ARAF: variants seen among roughly 807,000 people sequenced by gnomAD.
The protein encoded by ARAF is A-Raf proto-oncogene, serine/threonine kinase, also known as serine/threonine-protein kinase A-Raf.
A neutral mutation model predicts 48.0 loss-of-function variants in ARAF; 18 were observed. The ratio of observed to expected loss-of-function variants is 0.37; its 90% CI spans 0.26 to 0.56. The LOEUF is 0.56. Among genes scored for constraint, ARAF ranks in the 20% least tolerant of loss-of-function variants. The pLI is 0.77. For missense variants in ARAF, 389 were observed against 543.1 expected, an observed-to-expected ratio of 0.72 and a Z score of 2.82; for synonymous variants, 207 against 220.1, an observed-to-expected ratio of 0.94 and a Z score of 0.53.
At position 47,569,040 on chromosome X, in the gene ARAF, A is replaced by G. The variant is rs746882354; in HGVS notation, c.1300+7A>G. 6 of 1,194,293 alleles carry G rather than the reference A, an allele frequency of 5.0e-6. No homozygotes were observed. The highest frequency in any genetic ancestry group is 3.0e-5 in the East Asian group (1 of 33,295). ...CGAGATCTCAAGTCTAACAGTATCT[A>G]TCTGTCCCTGGGCTGGGGTTGAGTG... On this transcript the variant is annotated splice_region_variant and intron_variant, in intron 12 of 15. Transcript: ENST00000377045.
chrX:47,566,929 G>A lies in ARAF; in HGVS notation c.727+18G>A, dbSNP rs2147906254. 3 of 1,211,445 alleles carry A rather than the reference G, an allele frequency of 2.5e-6. No homozygotes were observed. The highest frequency in any genetic ancestry group is 3.5e-5 in the African/African-American group (2 of 57,705). ...CACTGATGGTGAGTCCCCTGTGCCT[G>A]CACCCTGACCCCCGCTGCCCCACTT... On this transcript the variant is annotated intron_variant, in intron 8 of 15. Transcript: ENST00000377045.
In ARAF at chrX:47,569,962, G is replaced by T; in HGVS notation, c.1489G>T (p.Val497Phe). 1 of 1,205,645 alleles carries T rather than the reference G, an allele frequency of 8.3e-7. No individual in the cohort carries two copies. Among genetic ancestry groups the T allele is most frequent in the Non-Finnish European group, 1.1e-6 (1 of 892,719 alleles). ...SFQSDVYAYG[V>F]VLYELMTGSL... ...CCAGTCAGACGTCTATGCCTACGGGGTTGTGCTCTACGAGCTTATGACTGG... is the reference window on the plus strand; with the variant it reads ...CCAGTCAGACGTCTATGCCTACGGGTTTGTGCTCTACGAGCTTATGACTGG... The change falls in exon 14 of 16, where the codon GTT becomes TTT. Residue 497 changes from valine to phenylalanine, a missense_variant. By Grantham distance (50) the Val-to-Phe change is conservative. Around this residue, in one of 4 missense-constraint regions of ARAF, gnomAD observed 170 missense variants for 281.4 expected, o/e 0.60. Coordinates refer to ENST00000377045, the MANE Select transcript of ARAF (RefSeq NM_001654.5).
At position 47,563,297 on chromosome X, in the gene ARAF, G is replaced by A; in HGVS notation, c.168G>A (p.Gln56=). 8.3e-7 allele frequency: 1 copy of A among 1,210,768 alleles called. No individual in the cohort carries two copies. Among genetic ancestry groups the A allele is most frequent in the South Asian group, 1.8e-5 (1 of 56,606 alleles). ...CCCTGAAGGTGCGGGGTCTAAATCA[G>A]GACTGCTGTGTGGTCTACCGACTCA... is the stretch of plus-strand genomic sequence containing the variant. ...DKALKVRGLN[Q]DCCVVYRLIK... The change falls in exon 3 of 16, where the codon CAG becomes CAA. Residue 56 remains glutamine (Q), a synonymous_variant. Coordinates refer to ENST00000377045, the MANE Select transcript of ARAF (RefSeq NM_001654.5).
chrX:47,568,711 C>T lies in ARAF; in HGVS notation c.1077-7C>T, dbSNP rs1344423840. 5 of 1,208,949 alleles carry T rather than the reference C, an allele frequency of 4.1e-6. No homozygotes were observed. The South Asian group carries it at 7.1e-5, about 17-fold the overall frequency. ...CCCACCTCTGACACTGCCCTCCCTG[C>T]CTGCAGGAAGACGCGACATGTCAAC... On this transcript the variant is annotated splice_polypyrimidine_tract_variant and splice_region_variant and intron_variant, in intron 10 of 15. Coordinates refer to ENST00000377045, the MANE Select transcript of ARAF (RefSeq NM_001654.5).
chrX:47,561,570 T>C (rs1346234812), intron 1 of ARAF, among the ~76,000 whole-genome samples: 1 of 110,858 alleles, frequency 9.0e-6, no homozygotes, highest in African/African-American at 3.3e-5. Context: ...CCCGCTAAGG[T>C]GTCCAATGAC....
In ARAF at chrX:47,569,349, G is replaced by A. The variant is rs764352985; in HGVS notation, c.1301-190G>A. 35 of 470,972 alleles carry A rather than the reference G, an allele frequency of 7.4e-5. 1 individual carries two copies. The highest frequency in any genetic ancestry group is 5.2e-4 in the Admixed American group (14 of 27,003). 38.8% of individuals were successfully genotyped at this position (470,972 alleles called of 1,213,427 possible). ...GGCTTCCTGTTCAGGAGTCACAGCG[G>A]GGCTGAGTGTGGGGGGCATTAGCAG... On this transcript the variant is annotated intron_variant, in intron 12 of 15. Coordinates refer to ENST00000377045, the MANE Select transcript of ARAF (RefSeq NM_001654.5).
chrX:47,570,199 T>G, intron 14 of ARAF, 175 bp downstream of exon 14: 3 of 543,712 alleles, frequency 5.5e-6, no homozygotes, highest in Non-Finnish European at 8.4e-6. Flanking sequence ...ATAAATTCTC[T>G]GGGTCTCCCC....
At chrX:47,568,622 C>A in intron 10 of ARAF, 96 bp from the exon 11 acceptor site, 1 of 929,157 alleles carries the variant, frequency 1.1e-6, no homozygotes, top group Middle Eastern at 2.7e-4. Flanking sequence ...AAATAAATGA[C>A]CGAGGAAGGT....
chrX:47,570,107 G>C, intron 14 of ARAF, 83 bp downstream of exon 14: 1 of 1,065,321 alleles, frequency 9.4e-7, no homozygotes, highest in Non-Finnish European at 1.3e-6. Context: ...CCTTTGCACT[G>C]ATAAATGCCA....
In ARAF at chrX:47,566,767, C is replaced by T; in HGVS notation, c.686C>T (p.Ser229Phe). 3.3e-6 allele frequency: 4 copies of T among 1,209,733 alleles called. No individual in the cohort carries two copies. The South Asian group carries it at 5.3e-5, about 16-fold the overall frequency. The change falls in exon 7 of 16, where the codon TCC becomes TTC. Residue 229 changes from serine (S) to phenylalanine (F), a missense_variant. Physicochemically the swap from Ser to Phe is radical, Grantham distance 155 (BLOSUM62 -2). Around this residue, in one of 4 missense-constraint regions of ARAF, gnomAD observed 154 missense variants for 133.6 expected, o/e 1.15. Coordinates refer to ENST00000377045, the MANE Select transcript of ARAF (RefSeq NM_001654.5). ...HMVSTTAPMD[S>F]NLIQLTGQSF... Reference sequence around the variant, plus strand: ...GTCAGCACCACGGCCCCCATGGACTCCAACCTCATCCAGGTTGGTGCTGTG... The same window carrying T: ...GTCAGCACCACGGCCCCCATGGACTTCAACCTCATCCAGGTTGGTGCTGTG...
At chrX:47,561,975 C>A (rs1241573663) in intron 1 of ARAF, among the ~76,000 whole-genome samples, 1 of 98,255 alleles carries the variant, frequency 1.0e-5, no homozygotes, top group East Asian at 3.5e-4. Context: ...AGTGACCCCC[C>A]CCCCCCATGA....
At chrX:47,561,969 A>AC (rs35299477) in intron 1 of ARAF, among the ~76,000 whole-genome samples, 2,576 of 58,872 alleles carry the variant, frequency 0.044, 86 homozygotes, top group Admixed American at 0.066. Flanking sequence ...GTATGTAGTG[A>AC]CCCCCCCCCC....
At chrX:47,571,212 G>GGTGT (rs753017950) in intron 15 of ARAF, 111 bp from the exon 16 acceptor site, 14,004 of 564,678 alleles carry the variant, frequency 0.025, 44 homozygotes, top group Non-Finnish European at 0.028. Context: ...GGGACTGTTG[G>GGTGT]GTGTGTGTGT....
chrX:47,569,152 G>A (rs924136953), intron 12 of ARAF, 119 bp downstream of exon 12: 7 of 955,549 alleles, frequency 7.3e-6, no homozygotes, highest in Admixed American at 2.7e-5. Context: ...TCCTTGCCAG[G>A]TGGCAGAGCT....
intron 3 of ARAF, 126 bp downstream of exon 3, chrX:47,563,455 C>G (rs759839307): frequency 6.4e-4 from 352 of 547,419 alleles, no homozygotes; most frequent in Non-Finnish European, 9.3e-4. Flanking sequence ...TTTAGTCCCC[C>G]CTTATCTGCA....
chrX:47,565,810 ATAGC>A (rs1394358272), intron 6 of ARAF: 14 of 142,739 alleles, frequency 9.8e-5, no homozygotes, highest in African/African-American at 4.5e-4. Flanking sequence ...ATATAAAACT[ATAGC>A]TATATTAAAA....
At chrX:47,570,167 C>A in intron 14 of ARAF, 143 bp downstream of exon 14, 2 of 699,528 alleles carry the variant, frequency 2.9e-6, no homozygotes, top group Non-Finnish European at 4.1e-6. Context: ...TCCCAGAATC[C>A]CTTGGGCTCC....
rs1401254347 is a variant in ARAF, at chrX:47,569,236, G to C, written c.1300+203G>C. ...TGGCTGGTTCAGGTACTATTCTTGG[G>C]GACTCTGGTTAGAGTCTGATGTCTG... On this transcript the variant is annotated intron_variant, in intron 12 of 15. Transcript: ENST00000377045. 7.2e-5 allele frequency among the ~76,000 whole-genome samples: 8 copies of C among 111,735 alleles called. No individual in the cohort carries two copies. In the Admixed American group the frequency reaches 7.5e-4, roughly 11 times the overall value.
chrX:47,565,414 C>G lies in ARAF; in HGVS notation c.557+64C>G, dbSNP rs931036127. On this transcript the variant is annotated intron_variant, in intron 6 of 15. Transcript: ENST00000377045. Reference sequence around the variant, plus strand: ...AAGATCTTGGGGCTCTTGTAGACCACGAGCCATACTTTATTCATTTGTTTA... The same window carrying G: ...AAGATCTTGGGGCTCTTGTAGACCAGGAGCCATACTTTATTCATTTGTTTA... 1,440 of 1,137,274 alleles carry G rather than the reference C, an allele frequency of 1.3e-3. 1 individual carries two copies. Among genetic ancestry groups the G allele is most frequent in the Admixed American group, 0.01 (359 of 35,610 alleles). 93.7% of individuals were successfully genotyped at this position (1,137,274 alleles called of 1,213,427 possible).
Sources: gnomAD v4.1 joint callset for allele counts (sites outside exome capture counted in the v4.1 genomes callset) on GRCh38, gnomAD v4.1.1 for gene constraint, gnomAD v4.1.1 regional missense constraint, MANE v1.5 for transcripts, NCBI Gene and HGNC (gene_info 2026-07-23, HGNC 2026-07-21) for gene names.